GPC5: variants seen among roughly 807,000 people sequenced by gnomAD.
GPC5 encodes glypican-5.
In GPC5, 47 loss-of-function variants were observed where a neutral mutation model predicts 53.9. That is an observed-to-expected ratio of 0.87 (90% confidence interval 0.69 to 1.11). The LOEUF is 1.11. Among genes scored for constraint, GPC5 ranks in the 50% most tolerant of loss-of-function variants. The probability of loss-of-function intolerance (pLI) is 0.00; values close to 1 mark genes in which losing one functional copy is unlikely to be tolerated. For missense variants in GPC5, 748 were observed against 713.1 expected, an observed-to-expected ratio of 1.05 and a Z score of -0.56; for synonymous variants, 286 against 263.3, an observed-to-expected ratio of 1.09 and a Z score of -0.84.
chr13:91,483,171 G>C (rs1168999692), intron 2 of GPC5, among the ~76,000 whole-genome samples: 4 of 152,084 alleles, frequency 2.6e-5, no homozygotes, highest in Non-Finnish European at 5.9e-5. Flanking sequence ...TTTATGGTAA[G>C]ACTTTAGGAA....
chr13:92,658,549 T>C (rs1886215461), intron 7 of GPC5, among the ~76,000 whole-genome samples: 1 of 152,238 alleles, frequency 6.6e-6, no homozygotes, highest in South Asian at 2.1e-4. Flanking sequence ...TCAAGTTTTG[T>C]TGTGTAATAC....
intron 7 of GPC5, among the ~76,000 whole-genome samples, chr13:92,699,466 C>A (rs902569353): frequency 6.6e-6 from 1 of 152,048 alleles, no homozygotes; most frequent in African/African-American, 2.4e-5. Context: ...TTGACTTCTG[C>A]TAGCTTTTGA....
intron 4 of GPC5, among the ~76,000 whole-genome samples, chr13:91,754,838 C>G (rs944902341): frequency 2.6e-5 from 4 of 152,090 alleles, no homozygotes; most frequent in Admixed American, 2.0e-4. Flanking sequence ...ACTGTGCTAT[C>G]AAGAGAATAA....
intron 7 of GPC5, among the ~76,000 whole-genome samples, chr13:92,859,692 T>C (rs766529211): frequency 1.1e-4 from 17 of 152,108 alleles, no homozygotes; most frequent in Non-Finnish European, 2.5e-4. Flanking sequence ...TAATTACCAA[T>C]TATGCAAAAA....
At chr13:92,743,531 A>G (rs529644160) in intron 7 of GPC5, among the ~76,000 whole-genome samples, 1 of 152,296 alleles carries the variant, frequency 6.6e-6, no homozygotes, top group South Asian at 2.1e-4. Flanking sequence ...TCATCTGCAA[A>G]TGGGGACAAT....
chr13:92,082,867 T>A (rs566351428), intron 6 of GPC5, among the ~76,000 whole-genome samples: 1 of 152,302 alleles, frequency 6.6e-6, no homozygotes, highest in African/African-American at 2.4e-5. Context: ...AAAGTAGATA[T>A]TTAATTTTTG....
chr13:91,822,251 G>A (rs977793584), intron 5 of GPC5, among the ~76,000 whole-genome samples: 9 of 152,110 alleles, frequency 5.9e-5, no homozygotes, highest in African/African-American at 2.2e-4. Context: ...TCCCTGATTC[G>A]TTTGTCAGAA....
chr13:92,452,787 T>C (rs1402160528), intron 7 of GPC5, among the ~76,000 whole-genome samples: 1 of 152,190 alleles, frequency 6.6e-6, no homozygotes, highest in Non-Finnish European at 1.5e-5. Context: ...CAGGCTGGTC[T>C]TGAACTCCTG....
intron 2 of GPC5, among the ~76,000 whole-genome samples, chr13:91,571,929 A>G (rs1319300487): frequency 7.6e-6 from 1 of 132,416 alleles, no homozygotes; most frequent in African/African-American, 2.8e-5. Flanking sequence ...TATTGTATAT[A>G]TACACACATG....
intron 7 of GPC5, among the ~76,000 whole-genome samples, chr13:92,744,323 T>C (rs991399036): frequency 2.0e-5 from 3 of 151,868 alleles, no homozygotes; most frequent in African/African-American, 7.3e-5. Context: ...TGAGATTCCT[T>C]TGGATATGTG....
At chr13:91,576,945 T>G (rs57482787) in intron 2 of GPC5, among the ~76,000 whole-genome samples, 9,608 of 152,146 alleles carry the variant, frequency 0.063, 1,007 homozygotes, top group African/African-American at 0.22. Flanking sequence ...AAAAAAAATT[T>G]GTATGTGAAA....
At chr13:92,203,661 AAT>A (rs1491294128) in intron 7 of GPC5, among the ~76,000 whole-genome samples, 2,602 of 108,106 alleles carry the variant, frequency 0.024, 80 homozygotes, top group Admixed American at 0.1. Context: ...TATATAAAAA[AAT>A]AAATAAATAA....
rs1875541868 is a variant in GPC5 at position 92,769,768 on chromosome 13, T to G, written c.1562-96514T>G. ...GAAAACCCCAAAGGTGATAGATATG[T>G]CTAAAAGTACATCACAGGACCTCAG... is the stretch of plus-strand genomic sequence containing the variant. On this transcript the variant is annotated intron_variant, in intron 7 of 7. Coordinates refer to ENST00000377067, the MANE Select transcript of GPC5 (RefSeq NM_004466.6). 5.9e-5 allele frequency among the ~76,000 whole-genome samples: 9 copies of G among 152,314 alleles called. No homozygotes were observed. In the South Asian group the frequency reaches 1.9e-3, roughly 32 times the overall value.
intron 7 of GPC5, among the ~76,000 whole-genome samples, chr13:92,572,822 C>A (rs1239095508): frequency 6.6e-6 from 1 of 152,032 alleles, no homozygotes; most frequent in Admixed American, 6.6e-5. Context: ...AAAACTCAAC[C>A]ATTTTACTAG....
At chr13:91,985,523 G>A (rs971308799) in intron 6 of GPC5, among the ~76,000 whole-genome samples, 5 of 151,378 alleles carry the variant, frequency 3.3e-5, no homozygotes, top group African/African-American at 4.8e-5. Context: ...CTTATTTATC[G>A]TTTCTTGGCT....
At chr13:92,237,825 C>T (rs868055890) in intron 7 of GPC5, among the ~76,000 whole-genome samples, 1 of 152,126 alleles carries the variant, frequency 6.6e-6, no homozygotes, top group African/African-American at 2.4e-5. Context: ...AGTATCTCTC[C>T]ACCTCATTCC....
chr13:92,531,616 A>T (rs1881566464), intron 7 of GPC5, among the ~76,000 whole-genome samples: 1 of 152,126 alleles, frequency 6.6e-6, no homozygotes, highest in African/African-American at 2.4e-5. Context: ...GCCAGAAATG[A>T]GTTCCCCACA....
chr13:92,523,258 T>A (rs1466126325), intron 7 of GPC5, among the ~76,000 whole-genome samples: 1 of 152,140 alleles, frequency 6.6e-6, no homozygotes, highest in African/African-American at 2.4e-5. Context: ...ACACCTTTTT[T>A]AAAAACAACA....
At chr13:92,290,885 G>A (rs1210953592) in intron 7 of GPC5, among the ~76,000 whole-genome samples, 1 of 152,150 alleles carries the variant, frequency 6.6e-6, no homozygotes, top group Admixed American at 6.5e-5. Context: ...GGGAGGTGTG[G>A]AGGGAGAGGC....
Sources: allele counts gnomAD v4.1 joint callset (sites outside exome capture counted in the v4.1 genomes callset), GRCh38; gene constraint gnomAD v4.1.1; transcripts MANE v1.5; gene names NCBI Gene and HGNC (gene_info 2026-07-23, HGNC 2026-07-21).